The following S100A5 variants were observed in gnomAD, a reference collection of about 807,000 sequenced individuals.
The protein encoded by S100A5 is protein S100-A5.
A neutral mutation model predicts 6.7 loss-of-function variants in S100A5; 5 were observed. The observed-to-expected ratio is 0.75, with a 90% CI of 0.39 to 1.57. The LOEUF (loss-of-function observed/expected upper bound fraction) is 1.57. S100A5 is among the 40% of genes most tolerant of loss of function. The pLI is 0.03. For missense variants in S100A5, 129 were observed against 110.8 expected, an observed-to-expected ratio of 1.16 and a Z score of -0.74; for synonymous variants, 49 against 44.9, an observed-to-expected ratio of 1.09 and a Z score of -0.37.
chr1:153,541,628 A>G, upstream of S100A5: 1 of 1,182,436 alleles, frequency 8.5e-7, no homozygotes, highest in Non-Finnish European at 1.1e-6. Flanking sequence ...CTGAGTTCCC[A>G]TAGCACACAC....
upstream of S100A5, among the ~76,000 whole-genome samples, chr1:153,541,105 A>G (rs1009949150): frequency 6.6e-6 from 1 of 151,662 alleles, no homozygotes; most frequent in Non-Finnish European, 1.5e-5. Context: ...CACCACAAAA[A>G]CCTCAGCCTC....
At chr1:153,541,468 G>A (rs1288066587), upstream of S100A5, 1 of 1,367,112 alleles carries the variant, frequency 7.3e-7, no homozygotes, top group East Asian at 4.5e-5. Context: ...CCTGATCTCT[G>A]TCCCTAGGAA....
upstream of S100A5, chr1:153,542,010 G>A (rs192764306): frequency 1.1e-3 from 585 of 530,834 alleles, 1 homozygote; most frequent in Non-Finnish European, 1.3e-3. Context: ...AAGGCTCGTC[G>A]GAGACTCTTG....
chr1:153,539,693 T>C (rs918902259), intron 2 of S100A5, among the ~76,000 whole-genome samples: 3 of 151,736 alleles, frequency 2.0e-5, no homozygotes, highest in African/African-American at 7.3e-5. Flanking sequence ...GCAGAGTCCC[T>C]ACACTTGAGT....
At chr1:153,540,347 T>C (rs942049123) in intron 1 of S100A5, 142 bp from the exon 2 acceptor site, 2 of 770,726 alleles carry the variant, frequency 2.6e-6, no homozygotes, top group Non-Finnish European at 2.1e-6. Context: ...CGCCCATCTA[T>C]ATCAGTACAG....
intron 2 of S100A5, among the ~76,000 whole-genome samples, chr1:153,538,242 G>C (rs1041889125): frequency 1.3e-5 from 2 of 152,186 alleles, no homozygotes; most frequent in African/African-American, 4.8e-5. Context: ...GGCCTGCCTG[G>C]AGCCTGGTTG....
At chr1:153,543,229 C>T (rs1665446188), upstream of S100A5, 61 of 985,242 alleles carry the variant, frequency 6.2e-5, no homozygotes, top group Non-Finnish European at 7.4e-5. Flanking sequence ...ATTCTTTTCC[C>T]TCCGACTTAC....
intron 1 of S100A5, 80 bp from the exon 2 acceptor site, chr1:153,540,285 C>A: frequency 6.8e-7 from 1 of 1,467,150 alleles, no homozygotes; most frequent in Non-Finnish European, 9.4e-7. Context: ...GCCCCTCCCT[C>A]AAAGAACAAG....
upstream of S100A5, chr1:153,541,584 C>A (rs572647365): frequency 1.1e-5 from 13 of 1,224,538 alleles, no homozygotes; most frequent in African/African-American, 1.6e-5. Context: ...GCCAATCTCA[C>A]CTTCCTTGTT....
At chr1:153,541,353 G>C (rs774079767), upstream of S100A5, 15 of 1,359,822 alleles carry the variant, frequency 1.1e-5, no homozygotes, top group Admixed American at 2.9e-4. Flanking sequence ...CCAGATATCA[G>C]ATGAACAGAG....
intron 2 of S100A5, among the ~76,000 whole-genome samples, chr1:153,539,473 A>ATATATATTTATT (rs1421762845): frequency 6.9e-5 from 8 of 115,166 alleles, no homozygotes; most frequent in African/African-American, 3.5e-4. Context: ...ATATATATAT[A>ATATATATTTATT]TATTTATTTA....
At chr1:153,538,420 C>T (rs760992540) in intron 2 of S100A5, among the ~76,000 whole-genome samples, 4 of 152,306 alleles carry the variant, frequency 2.6e-5, no homozygotes, top group Non-Finnish European at 2.9e-5. Context: ...CTTACAAAGG[C>T]GGAAACTGCT....
At chr1:153,537,958 A>G (rs1665239280) in intron 2 of S100A5, among the ~76,000 whole-genome samples, 1 of 152,088 alleles carries the variant, frequency 6.6e-6, no homozygotes. Context: ...GAGGCAGGAG[A>G]ATCGCTTGAA....
chr1:153,543,298 T>C (rs1451835432), upstream of S100A5: 6 of 985,306 alleles, frequency 6.1e-6, no homozygotes, highest in Non-Finnish European at 7.2e-6. Flanking sequence ...GACCTTCAAT[T>C]CCAGCCTCGG....
upstream of S100A5, among the ~76,000 whole-genome samples, chr1:153,542,768 A>G (rs1401594374): frequency 3.3e-5 from 5 of 152,026 alleles, no homozygotes; most frequent in Non-Finnish European, 5.9e-5. Context: ...ATCATGCCTT[A>G]TATTTTCTGG....
Sources: allele counts gnomAD v4.1 joint callset (sites outside exome capture counted in the v4.1 genomes callset), GRCh38; gene constraint gnomAD v4.1.1; transcripts MANE v1.5; gene names NCBI Gene and HGNC (gene_info 2026-07-23, HGNC 2026-07-21).